The following PPP4R3A variants were observed in gnomAD, a reference collection of about 807,000 sequenced individuals.
PPP4R3A encodes serine/threonine-protein phosphatase 4 regulatory subunit 3A.
In PPP4R3A, 15 loss-of-function variants were observed where a neutral mutation model predicts 91.7. That is an observed-to-expected ratio of 0.16 (90% CI 0.11 to 0.25). The LOEUF is 0.25. Among genes scored for constraint, PPP4R3A ranks in the 10% least tolerant of loss-of-function variants. The pLI, the probability that PPP4R3A is intolerant of heterozygous loss-of-function variation, is 1.00. For synonymous variants in PPP4R3A, 377 were observed against 348.7 expected (o/e 1.08, Z -0.91); for missense variants, 623 against 998.4 (o/e 0.62, Z 5.07).
chr14:91,475,722 C>G lies in PPP4R3A; in HGVS notation c.1266+89G>C, dbSNP rs1171770073. The stretch of plus-strand genomic sequence containing the variant: ...ATATTATGGCTACACTTTTCCCAAA[C>G]AGCAACAATTAAATCTTAAAAGTGA... On this transcript the variant is annotated intron_variant, in intron 7 of 14. Coordinates refer to ENST00000554943, the MANE Select transcript of PPP4R3A (RefSeq NM_001366432.2). 80 of 1,308,428 alleles carry G rather than the reference C, an allele frequency of 6.1e-5. 1 individual carries two copies. The highest frequency in any genetic ancestry group is 8.1e-5 in the Non-Finnish European group (77 of 956,304). The allele number at this position is 1,308,428 out of a possible 1,614,324, so 81.1% of individuals were successfully genotyped here.
In PPP4R3A at chr14:91,461,422, C is replaced by CGGATCCAGGAGAGCCTGGAGATCCTGG; in HGVS notation, c.2323_2349dup (p.Pro775_Ser783dup). The stretch of plus-strand genomic sequence containing the variant: ...GCCGTCTGAGATGTATTTTTAGGTA[C>CGGATCCAGGAGAGCCTGGAGATCCTGG]GGATCCAGGAGAGCCTGGAGATCCT... On this transcript the variant is annotated inframe_insertion, in exon 14 of 15. Coordinates refer to ENST00000554943, the MANE Select transcript of PPP4R3A (RefSeq NM_001366432.2). 1 of 1,613,518 alleles carries CGGATCCAGGAGAGCCTGGAGATCCTGG rather than the reference C, an allele frequency of 6.2e-7. No individual in the cohort carries two copies.
At chr14:91,472,172 A>C (rs1188523155) in intron 9 of PPP4R3A, among the ~76,000 whole-genome samples, 1 of 152,070 alleles carries the variant, frequency 6.6e-6, no homozygotes, top group Non-Finnish European at 1.5e-5. Context: ...TCCTAAATTA[A>C]ACACACGCAC....
At chr14:91,464,269 C>A (rs928585811) in intron 11 of PPP4R3A, among the ~76,000 whole-genome samples, 1 of 151,974 alleles carries the variant, frequency 6.6e-6, no homozygotes, top group East Asian at 1.9e-4. Context: ...CGCAGTGAGT[C>A]GAGATCATGC....
chr14:91,459,011 AATTCATTATGTTTAC>A, intron 14 of PPP4R3A, 142 bp from the exon 15 acceptor site: 1 of 890,988 alleles, frequency 1.1e-6, no homozygotes, highest in Admixed American at 3.1e-5. Context: ...GTTAAACTTC[AATTCATTATGTTTAC>A]ATATTTTCTA....
At chr14:91,503,589 G>C (rs1891092775) in intron 1 of PPP4R3A, among the ~76,000 whole-genome samples, 1 of 152,212 alleles carries the variant, frequency 6.6e-6, no homozygotes. Flanking sequence ...GAGGGAGAGA[G>C]AGTATCAGGA....
At chr14:91,497,819 T>C (rs1442673979) in intron 1 of PPP4R3A, among the ~76,000 whole-genome samples, 1 of 152,164 alleles carries the variant, frequency 6.6e-6, no homozygotes, top group Non-Finnish European at 1.5e-5. Context: ...GAGTCTGTAA[T>C]GGCAACAAAC....
intron 1 of PPP4R3A, 66 bp from the exon 2 acceptor site, chr14:91,490,868 A>T: frequency 2.4e-6 from 2 of 822,846 alleles, no homozygotes; most frequent in Admixed American, 2.9e-5. Context: ...TCCCTTACAT[A>T]CACACATATT....
At chr14:91,509,403 T>C (rs887724942) in intron 1 of PPP4R3A, 103 bp downstream of exon 1, 1 of 1,485,444 alleles carries the variant, frequency 6.7e-7, no homozygotes, top group African/African-American at 1.4e-5. Flanking sequence ...TCCCCAGCCG[T>C]CCCTCTGTTC....
chr14:91,489,612 CA>C (rs1890114504), intron 2 of PPP4R3A, among the ~76,000 whole-genome samples: 1 of 152,188 alleles, frequency 6.6e-6, no homozygotes, highest in Non-Finnish European at 1.5e-5. Context: ...ATTCTCAAAA[CA>C]GTTTCAATCT....
At chr14:91,495,328 G>A (rs1026948359) in intron 1 of PPP4R3A, among the ~76,000 whole-genome samples, 15 of 150,788 alleles carry the variant, frequency 9.9e-5, no homozygotes, top group Non-Finnish European at 2.2e-4. Context: ...GTGTGTGTAT[G>A]TTTTTTTTTA....
rs1209592266 is a variant in PPP4R3A, at chr14:91,479,289, AC to A, written c.915+2286del. On this transcript the variant is annotated intron_variant, in intron 4 of 14. Transcript: ENST00000554943. ...TACCACAGGCATCAAAGAATAAAAA[AC>A]AACGTGTGTGTGTGTGTGTGTGTGT... is the stretch of plus-strand genomic sequence containing the variant. 2.1e-4 allele frequency among the ~76,000 whole-genome samples: 26 copies of A among 123,216 alleles called. No homozygotes were observed. In the East Asian group the frequency reaches 5.3e-3, roughly 25 times the overall value. 80.8% of individuals were successfully genotyped at this position (123,216 alleles called of 152,430 possible).
rs1889844261 is a variant in PPP4R3A at position 91,485,816 on chromosome 14, C to A, written c.199-86G>T. 1.9e-5 allele frequency: 17 copies of A among 906,666 alleles called. No homozygotes were observed. In the South Asian group the frequency reaches 3.0e-4, roughly 16 times the overall value. 56.2% of individuals were successfully genotyped at this position (906,666 alleles called of 1,614,324 possible). ...AAACAAAAGGAAATAAAACTGTGCT[C>A]ATTTTTACTTTTTGCAACACTAATA... On this transcript the variant is annotated intron_variant, in intron 2 of 14. Transcript: ENST00000554943.
chr14:91,462,621 G>C, intron 12 of PPP4R3A, 114 bp downstream of exon 12: 1 of 1,151,826 alleles, frequency 8.7e-7, no homozygotes, highest in Non-Finnish European at 1.3e-6. Context: ...ATTTCTATTT[G>C]CTATCTGCTG....
intron 14 of PPP4R3A, among the ~76,000 whole-genome samples, chr14:91,459,886 G>A (rs559845885): frequency 6.6e-6 from 1 of 151,624 alleles, no homozygotes; most frequent in African/African-American, 2.4e-5. Flanking sequence ...GAGACCACCA[G>A]AAATGAGGGT....
intron 12 of PPP4R3A, among the ~76,000 whole-genome samples, chr14:91,462,491 A>G (rs951093386): frequency 7.8e-6 from 1 of 127,612 alleles, no homozygotes; most frequent in African/African-American, 3.0e-5. Context: ...CCTCACTTCC[A>G]CTGTTTGGTC....
intron 3 of PPP4R3A, among the ~76,000 whole-genome samples, chr14:91,484,124 T>A (rs1009455682): frequency 6.6e-6 from 1 of 152,150 alleles, no homozygotes; most frequent in African/African-American, 2.4e-5. Context: ...AATATAATTG[T>A]TGGATGGAAA....
chr14:91,500,573 A>C (rs1277993151), intron 1 of PPP4R3A, among the ~76,000 whole-genome samples: 2 of 152,164 alleles, frequency 1.3e-5, no homozygotes, highest in African/African-American at 4.8e-5. Context: ...TAGCAGGAAA[A>C]CGAGTATTAA....
At position 91,457,965 on chromosome 14, in the gene PPP4R3A, C is replaced by CA. The variant is rs1490256379; in HGVS notation, c.*793dup. The CA allele has an allele frequency of 2.0e-5, 3 of 152,122 alleles. No homozygotes were observed. Among genetic ancestry groups the CA allele is most frequent in the East Asian group, 3.9e-4 (2 of 5,162 alleles). The allele number at this position is 152,122 out of a possible 1,614,324, so 9.4% of individuals were successfully genotyped here. On this transcript the variant is annotated 3_prime_UTR_variant, in exon 15 of 15. Coordinates refer to ENST00000554943, the MANE Select transcript of PPP4R3A (RefSeq NM_001366432.2). Reference sequence around the variant, plus strand: ...ACAAATTAAGAACTGTGATGTAGAACAAAAATTACACATGGTAAAACAGGT... The same window carrying CA: ...ACAAATTAAGAACTGTGATGTAGAACAAAAAATTACACATGGTAAAACAGGT...
intron 2 of PPP4R3A, among the ~76,000 whole-genome samples, chr14:91,488,552 G>C (rs1478165322): frequency 6.6e-6 from 1 of 152,094 alleles, no homozygotes; most frequent in Non-Finnish European, 1.5e-5. Context: ...TTCATTTTTA[G>C]TTTACCTTTA....
Sources: allele counts gnomAD v4.1 joint callset (sites outside exome capture counted in the v4.1 genomes callset), GRCh38; gene constraint gnomAD v4.1.1; transcripts MANE v1.5; gene names NCBI Gene and HGNC (gene_info 2026-07-23, HGNC 2026-07-21).